The following LANCL2 variants were observed in gnomAD, a reference collection of about 807,000 sequenced individuals.
LANCL2 encodes LanC like glutathione S-transferase 2.
In LANCL2, 33 loss-of-function variants were observed where a neutral mutation model predicts 56.9. The ratio of observed to expected loss-of-function variants is 0.58; its 90% confidence interval spans 0.44 to 0.78. The LOEUF (loss-of-function observed/expected upper bound fraction) is 0.78, where lower values mean the gene tolerates loss of function less well. Ranked by LOEUF, LANCL2 falls within the 30% of genes least tolerant of loss-of-function variation. LANCL2 has a pLI of 0.00. For missense variants in LANCL2, 562 were observed against 580.2 expected, an observed-to-expected ratio of 0.97 and a Z score of 0.32; for synonymous variants, 233 against 228.2, an observed-to-expected ratio of 1.02 and a Z score of -0.19.
rs1410414696 is a variant in LANCL2 at position 55,402,611 on chromosome 7, C to G, written c.825+1291C>G. 1.7e-5 allele frequency among the ~76,000 whole-genome samples: 2 copies of G among 119,970 alleles called. 1 individual carries two copies. The highest frequency in any genetic ancestry group is 5.2e-4 in the South Asian group (2 of 3,882). 78.7% of individuals were successfully genotyped at this position (119,970 alleles called of 152,430 possible). On this transcript the variant is annotated intron_variant, in intron 5 of 8. Transcript: ENST00000254770. ...CTGGCCAGGCGGGGGATGACCCCCCCACCTCCCTCCCGGATGGGGCGGCTG... is the reference window on the plus strand; with the variant it reads ...CTGGCCAGGCGGGGGATGACCCCCCGACCTCCCTCCCGGATGGGGCGGCTG...
chr7:55,385,698 T>G (rs1173157427), intron 1 of LANCL2, among the ~76,000 whole-genome samples: 1 of 152,196 alleles, frequency 6.6e-6, no homozygotes, highest in African/African-American at 2.4e-5. Flanking sequence ...AAATTAAAAT[T>G]GCTAATGAAG....
chr7:55,421,578 G>C (rs960579018), intron 6 of LANCL2, among the ~76,000 whole-genome samples: 1 of 151,978 alleles, frequency 6.6e-6, no homozygotes, highest in African/African-American at 2.4e-5. Context: ...CCTGACCTCA[G>C]GTAATCCGCC....
chr7:55,372,168 T>G (rs183651892), intron 1 of LANCL2, among the ~76,000 whole-genome samples: 2 of 152,310 alleles, frequency 1.3e-5, no homozygotes, highest in African/African-American at 2.4e-5. Flanking sequence ...TTAATTAACC[T>G]CCAGCCAGTT....
intron 5 of LANCL2, among the ~76,000 whole-genome samples, chr7:55,401,762 C>G (rs815930): frequency 0.2 from 24,158 of 122,708 alleles, 3,183 homozygotes; most frequent in Middle Eastern, 0.28. Context: ...ATGCTGCCTT[C>G]AAGCATCTTG....
At chr7:55,430,999 C>T (rs1790721273) in intron 8 of LANCL2, among the ~76,000 whole-genome samples, 1 of 152,168 alleles carries the variant, frequency 6.6e-6, no homozygotes, top group Admixed American at 6.5e-5. Flanking sequence ...GATTAAAGCC[C>T]AGTAACCAGT....
At chr7:55,430,556 T>C (rs1420556828) in intron 8 of LANCL2, among the ~76,000 whole-genome samples, 1 of 152,246 alleles carries the variant, frequency 6.6e-6, no homozygotes, top group Non-Finnish European at 1.5e-5. Flanking sequence ...TGTTTGCACA[T>C]GTATATGCAT....
rs2128997396 is a variant in LANCL2, at chr7:55,433,706, T to C, written c.*2386T>C. 1 of 152,348 alleles carries C rather than the reference T, an allele frequency of 6.6e-6. No individual in the cohort carries two copies. Among genetic ancestry groups the C allele is most frequent in the Admixed American group, 6.5e-5 (1 of 15,304 alleles). The allele number at this position is 152,348 out of a possible 1,614,324, so 9.4% of individuals were successfully genotyped here. ...AAGTGTTTGAGGTTCTTTGGTTTTGTTAGTAAAAGCCAGTTCTGTGGTGAT... is the reference window on the plus strand; with the variant it reads ...AAGTGTTTGAGGTTCTTTGGTTTTGCTAGTAAAAGCCAGTTCTGTGGTGAT... On this transcript the variant is annotated 3_prime_UTR_variant, in exon 9 of 9. Transcript: ENST00000254770.
chr7:55,376,099 C>T (rs1234469453), intron 1 of LANCL2, among the ~76,000 whole-genome samples: 2 of 152,178 alleles, frequency 1.3e-5, no homozygotes, highest in East Asian at 3.9e-4. Context: ...GGTTCCAGGA[C>T]ATCTTTGGGG....
rs569333841 is a variant in LANCL2 at position 55,383,211 on chromosome 7, GT to G, written c.205-8578del. 1.4e-3 allele frequency among the ~76,000 whole-genome samples: 208 copies of G among 152,322 alleles called. 1 individual carries two copies. The highest frequency in any genetic ancestry group is 7.7e-3 in the South Asian group (37 of 4,826). ...ACATGACACAGACATATGTGGAGTG[GT>G]TTTAAGGAGCAGAGAGTTTAATAGG... is the stretch of plus-strand genomic sequence containing the variant. On this transcript the variant is annotated intron_variant, in intron 1 of 8. Transcript: ENST00000254770.
chr7:55,395,463 A>T (rs1221310959), intron 2 of LANCL2, among the ~76,000 whole-genome samples: 5 of 152,190 alleles, frequency 3.3e-5, no homozygotes. Context: ...AAAGATAAAA[A>T]ATCATTTCAG....
In LANCL2 at chr7:55,401,197, G is replaced by A. The variant is rs370026511; in HGVS notation, c.702G>A (p.Ser234=). 168 of 1,613,864 alleles carry A rather than the reference G, an allele frequency of 1.0e-4. 1 individual carries two copies. The Middle Eastern group carries it at 4.1e-3, about 39-fold the overall frequency. ...IKEVVNAIIE[S]GKTLSREERK... ...AGGTAGTCAATGCTATTATTGAATC[G>A]GGTAAGACTTTGTCAAGGGAAGAAA... is the stretch of plus-strand genomic sequence containing the variant. Residue 234 remains serine, a synonymous_variant, in exon 5 of 9, where the codon TCG becomes TCA. Transcript: ENST00000254770.
chr7:55,369,848 T>A lies in LANCL2; in HGVS notation c.204+3619T>A, dbSNP rs570655734. Among the ~76,000 whole-genome samples the A allele has an allele frequency of 4.6e-5, 7 of 152,312 alleles. No individual in the cohort carries two copies. The South Asian group carries it at 1.5e-3, about 32-fold the overall frequency. Reference sequence around the variant, plus strand: ...GTCTCATGAGAAGGAAAGAGAACTCTGAAGAGTGTAGGAATAGCAGACAGA... The same window carrying A: ...GTCTCATGAGAAGGAAAGAGAACTCAGAAGAGTGTAGGAATAGCAGACAGA... On this transcript the variant is annotated intron_variant, in intron 1 of 8. Transcript: ENST00000254770.
intron 1 of LANCL2, among the ~76,000 whole-genome samples, chr7:55,368,376 A>G (rs1047149654): frequency 2.6e-5 from 4 of 152,248 alleles, no homozygotes; most frequent in East Asian, 3.8e-4. Context: ...GTGGGGACCT[A>G]TGCCAGTGGT....
intron 2 of LANCL2, among the ~76,000 whole-genome samples, chr7:55,393,649 A>G (rs1186591712): frequency 2.0e-5 from 3 of 152,086 alleles, no homozygotes; most frequent in Non-Finnish European, 4.4e-5. Flanking sequence ...TTGTATTTAT[A>G]TTTACATTCA....
At chr7:55,378,712 G>A (rs1021966606) in intron 1 of LANCL2, among the ~76,000 whole-genome samples, 1 of 152,124 alleles carries the variant, frequency 6.6e-6, no homozygotes, top group Admixed American at 6.6e-5. Context: ...CCTCTTTTAT[G>A]AGAAATAGGA....
At chr7:55,371,965 C>G (rs1252524313) in intron 1 of LANCL2, among the ~76,000 whole-genome samples, 4 of 151,990 alleles carry the variant, frequency 2.6e-5, no homozygotes, top group African/African-American at 7.3e-5. Context: ...TACAACTTCT[C>G]AGAGTGAGGT....
chr7:55,381,523 C>T (rs561419422), intron 1 of LANCL2, among the ~76,000 whole-genome samples: 2 of 152,286 alleles, frequency 1.3e-5, no homozygotes, highest in African/African-American at 4.8e-5. Context: ...ACAGAATTTG[C>T]AATTCAATAC....
At chr7:55,416,507 G>T (rs1034041226) in intron 6 of LANCL2, among the ~76,000 whole-genome samples, 1 of 152,010 alleles carries the variant, frequency 6.6e-6, no homozygotes, top group African/African-American at 2.4e-5. Context: ...TTTCGAACTC[G>T]TGGACTCAAG....
chr7:55,365,861 A>G lies in LANCL2; in HGVS notation c.-165A>G, dbSNP rs975518809. The stretch of plus-strand genomic sequence containing the variant: ...CCGCCTGATGTGCGAGCAGCCCGCG[A>G]CGAGGCAGTGCACGCTCAGACGCCC... On this transcript the variant is annotated 5_prime_UTR_variant, in exon 1 of 9. Transcript: ENST00000254770. 27 of 487,864 alleles carry G rather than the reference A, an allele frequency of 5.5e-5. No individual in the cohort carries two copies. The highest frequency in any genetic ancestry group is 2.6e-4 in the Admixed American group (6 of 23,052). 30.2% of individuals were successfully genotyped at this position (487,864 alleles called of 1,614,324 possible).
Sources: allele counts gnomAD v4.1 joint callset (sites outside exome capture counted in the v4.1 genomes callset), GRCh38; gene constraint gnomAD v4.1.1; transcripts MANE v1.5; gene names NCBI Gene and HGNC (gene_info 2026-07-23, HGNC 2026-07-21).